The following ANKRD12 variants were observed in gnomAD, a reference collection of about 807,000 sequenced individuals.
ANKRD12 encodes the protein ankyrin repeat domain 12, also known as ankyrin repeat domain-containing protein 12.
In ANKRD12, 85 loss-of-function variants were observed where a neutral mutation model predicts 183.4. That is an observed-to-expected ratio of 0.46 (90% CI 0.39 to 0.56). The LOEUF (loss-of-function observed/expected upper bound fraction) is 0.56. Ranked by LOEUF, ANKRD12 falls within the 20% of genes least tolerant of loss-of-function variation. The pLI, the probability that ANKRD12 is intolerant of heterozygous loss-of-function variation, is 0.00. For synonymous variants in ANKRD12, 914 were observed against 800.2 expected (o/e 1.14, Z -2.40); for missense variants, 2,405 against 2,357.1 (o/e 1.02, Z -0.42).
intron 8 of ANKRD12, among the ~76,000 whole-genome samples, chr18:9,226,031 A>G (rs143464901): frequency 2.6e-5 from 4 of 152,172 alleles, no homozygotes; most frequent in African/African-American, 9.7e-5. Context: ...TTTTTGCAAT[A>G]TTCATGGTTG....
chr18:9,255,985 G>T lies in ANKRD12; in HGVS notation c.2718G>T (p.Lys906Asn). 6.4e-7 allele frequency: 1 copy of T among 1,566,168 alleles called. No homozygotes were observed. The highest frequency in any genetic ancestry group is 8.6e-7 in the Non-Finnish European group (1 of 1,164,838). ...ACGACAGAGAGAAAAGTAGAGAAAA[G>T]ATGGATAGGAAACATGACAAAGAAA... is the stretch of plus-strand genomic sequence containing the variant. Reference protein sequence around the residue: ...KTDDREKSREKMDRKHDKEKP... With the variant: ...KTDDREKSRENMDRKHDKEKP... Residue 906 changes from lysine to asparagine, a missense_variant, in exon 9 of 13, where the codon AAG becomes AAT. Coordinates refer to ENST00000262126, the MANE Select transcript of ANKRD12 (RefSeq NM_015208.5).
At position 9,241,225 on chromosome 18, in the gene ANKRD12, ATATC is replaced by A. The variant is rs774668569; in HGVS notation, c.944-12985_944-12982del. The stretch of plus-strand genomic sequence containing the variant: ...GTGTTTTTAGTATGTCCAAATATAT[ATATC>A]AACAAATTTGATGATCGGGAATCTA... On this transcript the variant is annotated intron_variant, in intron 8 of 12. Transcript: ENST00000262126. Among the ~76,000 whole-genome samples the A allele has an allele frequency of 4.6e-5, 7 of 152,308 alleles. No individual in the cohort carries two copies. The South Asian group carries it at 8.3e-4, about 18-fold the overall frequency.
chr18:9,234,803 G>T (rs539879050), intron 8 of ANKRD12, among the ~76,000 whole-genome samples: 1 of 152,292 alleles, frequency 6.6e-6, no homozygotes, highest in East Asian at 1.9e-4. Context: ...CCAAATCGCT[G>T]CCCACACTAG....
rs527624251 is a variant in ANKRD12, at chr18:9,178,190, C to G, written c.-51-4192C>G. Among the ~76,000 whole-genome samples, 7 of 152,194 alleles carry G rather than the reference C, an allele frequency of 4.6e-5. No homozygotes were observed. In the South Asian group the frequency reaches 1.0e-3, roughly 23 times the overall value. On this transcript the variant is annotated intron_variant, in intron 1 of 12. Transcript: ENST00000262126. Reference sequence around the variant, plus strand: ...GCTTTTCATTACCTATTTAAGAAATCTTTGTCTAATCCAAGGCCACTAAAA... The same window carrying G: ...GCTTTTCATTACCTATTTAAGAAATGTTTGTCTAATCCAAGGCCACTAAAA...
At chr18:9,189,887 C>T (rs1236456575) in intron 2 of ANKRD12, among the ~76,000 whole-genome samples, 2 of 152,198 alleles carry the variant, frequency 1.3e-5, no homozygotes, top group East Asian at 1.9e-4. Flanking sequence ...TTCATGGCTG[C>T]TGACATGCAG....
intron 1 of ANKRD12, among the ~76,000 whole-genome samples, chr18:9,180,945 C>G (rs1357941027): frequency 6.6e-6 from 1 of 152,238 alleles, no homozygotes. Context: ...TTGTATAGCT[C>G]AGTTTTGCTT....
intron 1 of ANKRD12, among the ~76,000 whole-genome samples, chr18:9,165,790 A>G (rs1233836667): frequency 6.6e-6 from 1 of 151,288 alleles, no homozygotes; most frequent in Non-Finnish European, 1.5e-5. Flanking sequence ...ACGTATGTAT[A>G]CATGTGCCAT....
At position 9,254,208 on chromosome 18, in the gene ANKRD12, TAGA is replaced by T; in HGVS notation, c.944-2_944del. The T allele has an allele frequency of 6.6e-7, 1 of 1,508,112 alleles. No individual in the cohort carries two copies. Among genetic ancestry groups the T allele is most frequent in the Non-Finnish European group, 8.8e-7 (1 of 1,131,870 alleles). The allele number at this position is 1,508,112 out of a possible 1,614,324, so 93.4% of individuals were successfully genotyped here. The stretch of plus-strand genomic sequence containing the variant: ...ACACCACATTTTCTTTTTTTTATTC[TAGA>T]TTCCGAAGAGGCTCAATCTGTAAAT... On this transcript the variant is annotated splice_acceptor_variant and coding_sequence_variant, in exon 9 of 13. Transcript: ENST00000262126. LOFTEE classifies it high-confidence loss of function.
At chr18:9,239,655 T>C in intron 8 of ANKRD12, 1 of 417,774 alleles carries the variant, frequency 2.4e-6, no homozygotes, top group Admixed American at 3.5e-5. Context: ...TAGATTTAAC[T>C]GTACCAAACT....
chr18:9,161,439 G>C (rs926135419), intron 1 of ANKRD12, among the ~76,000 whole-genome samples: 20 of 150,318 alleles, frequency 1.3e-4, no homozygotes, highest in African/African-American at 4.4e-4. Context: ...GCAGTGGCGC[G>C]ATCTCGGCTC....
intron 9 of ANKRD12, 124 bp from the exon 10 acceptor site, chr18:9,263,666 T>A (rs929437647): frequency 7.3e-6 from 4 of 550,638 alleles, no homozygotes; most frequent in Non-Finnish European, 1.2e-5. Flanking sequence ...TAGTGCTGTA[T>A]TATTTAATTC....
chr18:9,261,305 A>G (rs754685063), intron 9 of ANKRD12, among the ~76,000 whole-genome samples: 1 of 152,222 alleles, frequency 6.6e-6, no homozygotes, highest in Non-Finnish European at 1.5e-5. Flanking sequence ...TTCATGGTCA[A>G]ATAAGTTTGG....
chr18:9,150,492 T>C (rs559762805), intron 1 of ANKRD12, among the ~76,000 whole-genome samples: 3 of 152,304 alleles, frequency 2.0e-5, no homozygotes, highest in African/African-American at 7.2e-5. Context: ...AAATAGACCA[T>C]AAAAATTCCT....
intron 2 of ANKRD12, among the ~76,000 whole-genome samples, chr18:9,184,438 T>C (rs1288702213): frequency 6.6e-6 from 1 of 152,090 alleles, no homozygotes; most frequent in Non-Finnish European, 1.5e-5. Context: ...TTACCCAGGC[T>C]GGAGAGTGCA....
At chr18:9,228,706 T>C (rs2036866208) in intron 8 of ANKRD12, among the ~76,000 whole-genome samples, 1 of 152,204 alleles carries the variant, frequency 6.6e-6, no homozygotes, top group African/African-American at 2.4e-5. Flanking sequence ...TTGTATATTC[T>C]GGATATTAGT....
intron 1 of ANKRD12, among the ~76,000 whole-genome samples, chr18:9,165,863 T>TCCCCC (rs1295165829): frequency 1.1e-5 from 1 of 94,142 alleles, no homozygotes; most frequent in Admixed American, 1.2e-4. Context: ...ATGCTATCCC[T>TCCCCC]CCCCCCCTCC....
At chr18:9,240,995 T>G (rs974201079) in intron 8 of ANKRD12, among the ~76,000 whole-genome samples, 1 of 152,176 alleles carries the variant, frequency 6.6e-6, no homozygotes, top group African/African-American at 2.4e-5. Context: ...ATACAACTGT[T>G]GGTACTTACT....
chr18:9,265,856 G>A (rs960162721), intron 10 of ANKRD12, among the ~76,000 whole-genome samples: 3 of 151,950 alleles, frequency 2.0e-5, no homozygotes, highest in African/African-American at 7.3e-5. Flanking sequence ...CCATGGCAAA[G>A]AAGTTAAAAA....
Position 9,208,673 on chromosome 18 carries a change from AAAG to A in ANKRD12, c.329_331del (p.Lys110del). 2 of 1,608,536 alleles carry A rather than the reference AAAG, an allele frequency of 1.2e-6. No individual in the cohort carries two copies. Among genetic ancestry groups the A allele is most frequent in the East Asian group, 2.2e-5 (1 of 44,770 alleles). ...TAATTCCAGAGAAAGAAGGTCCAGA[AAAG>A]AAGAAGACAAAAAAGGAAGCTGGAA... On this transcript the variant is annotated inframe_deletion, in exon 5 of 13. Coordinates refer to ENST00000262126, the MANE Select transcript of ANKRD12 (RefSeq NM_015208.5).
Sources: gnomAD v4.1 joint callset for allele counts (sites outside exome capture counted in the v4.1 genomes callset) on GRCh38, gnomAD v4.1.1 for gene constraint, MANE v1.5 for transcripts, NCBI Gene and HGNC (gene_info 2026-07-23, HGNC 2026-07-21) for gene names.